FBXL13: variants seen among roughly 807,000 people sequenced by gnomAD.
The protein encoded by FBXL13 is F-box and leucine rich repeat protein 13.
A neutral mutation model predicts 83.6 loss-of-function variants in FBXL13; 67 were observed. The ratio of observed to expected loss-of-function variants is 0.80; its 90% CI spans 0.66 to 0.98. The LOEUF (loss-of-function observed/expected upper bound fraction) is 0.98. Among genes scored for constraint, FBXL13 ranks in the 50% least tolerant of loss-of-function variants. The pLI is 0.00. For missense variants in FBXL13, 822 were observed against 866.5 expected, an observed-to-expected ratio of 0.95 and a Z score of 0.64; for synonymous variants, 272 against 299.5, an observed-to-expected ratio of 0.91 and a Z score of 0.95.
At chr7:102,899,801 C>T (rs747394159) in intron 11 of FBXL13, among the ~76,000 whole-genome samples, 3 of 152,110 alleles carry the variant, frequency 2.0e-5, no homozygotes, top group Non-Finnish European at 4.4e-5. Flanking sequence ...AGGCTGGGCA[C>T]GGTGGCTCAT....
At chr7:102,895,444 C>T (rs570481232) in intron 11 of FBXL13, among the ~76,000 whole-genome samples, 2 of 152,320 alleles carry the variant, frequency 1.3e-5, no homozygotes, top group African/African-American at 4.8e-5. Flanking sequence ...ACATATAAAT[C>T]TGAAACACGG....
At chr7:103,043,638 A>G (rs1046288739) in intron 2 of FBXL13, among the ~76,000 whole-genome samples, 1 of 152,142 alleles carries the variant, frequency 6.6e-6, no homozygotes, top group Admixed American at 6.5e-5. Context: ...CAGCCTCCCA[A>G]GTAGCTGGGA....
At chr7:102,974,118 C>T (rs1009424768) in intron 6 of FBXL13, among the ~76,000 whole-genome samples, 2 of 152,134 alleles carry the variant, frequency 1.3e-5, no homozygotes, top group Non-Finnish European at 2.9e-5. Context: ...TGGCCAGGTG[C>T]GGTGGCTCAT....
At chr7:103,061,256 A>G (rs1013900065) in intron 1 of FBXL13, among the ~76,000 whole-genome samples, 2 of 151,402 alleles carry the variant, frequency 1.3e-5, no homozygotes, top group Non-Finnish European at 2.9e-5. Context: ...ACAGGTGAGG[A>G]GCAGCAGGCT....
intron 18 of FBXL13, among the ~76,000 whole-genome samples, chr7:102,826,428 A>G (rs1799630182): frequency 6.6e-6 from 1 of 151,972 alleles, no homozygotes; most frequent in Non-Finnish European, 1.5e-5. Flanking sequence ...AGGGCTTTTA[A>G]ATATAATAAA....
At chr7:102,917,101 C>CGAGA (rs1816049721) in intron 10 of FBXL13, among the ~76,000 whole-genome samples, 1 of 152,146 alleles carries the variant, frequency 6.6e-6, no homozygotes, top group African/African-American at 2.4e-5. Flanking sequence ...GTGTTGGGCT[C>CGAGA]TCTGGTTTCA....
intron 1 of FBXL13, among the ~76,000 whole-genome samples, chr7:103,056,828 T>TA (rs1226833961): frequency 6.6e-6 from 1 of 152,148 alleles, no homozygotes; most frequent in African/African-American, 2.4e-5. Context: ...TCTATTTTTT[T>TA]TTTTTATTTT....
At chr7:103,038,151 C>T (rs1235483878) in intron 2 of FBXL13, among the ~76,000 whole-genome samples, 1 of 152,226 alleles carries the variant, frequency 6.6e-6, no homozygotes, top group African/African-American at 2.4e-5. Flanking sequence ...GATACCCTCC[C>T]TCCCATGCCT....
chr7:102,978,057 G>GT (rs1443195470), intron 6 of FBXL13, among the ~76,000 whole-genome samples: 1 of 152,134 alleles, frequency 6.6e-6, no homozygotes, highest in African/African-American at 2.4e-5. Context: ...GTATACATAT[G>GT]TAACTAACCT....
At chr7:102,978,563 A>G in intron 6 of FBXL13, 1 of 159,616 alleles carries the variant, frequency 6.3e-6, no homozygotes, top group Non-Finnish European at 1.4e-5. Flanking sequence ...TTTCCTGTTT[A>G]CAGGAGACTA....
intron 10 of FBXL13, among the ~76,000 whole-genome samples, chr7:102,925,336 C>T (rs774098115): frequency 6.6e-6 from 1 of 152,052 alleles, no homozygotes; most frequent in Non-Finnish European, 1.5e-5. Flanking sequence ...TTGAGGCTGC[C>T]GTAAGCCATG....
intron 8 of FBXL13, among the ~76,000 whole-genome samples, chr7:102,949,473 G>C (rs1216058064): frequency 1.3e-5 from 2 of 152,004 alleles, no homozygotes; most frequent in East Asian, 3.9e-4. Flanking sequence ...CTCTCTATGT[G>C]TCCATGTGTT....
chr7:102,821,856 G>C (rs1489985341), intron 19 of FBXL13, among the ~76,000 whole-genome samples, 184 bp downstream of exon 20: 1 of 152,260 alleles, frequency 6.6e-6, no homozygotes, highest in South Asian at 2.1e-4. Flanking sequence ...CTGGAAAAGG[G>C]ATAGGAAACC....
intron 17 of FBXL13, among the ~76,000 whole-genome samples, chr7:102,841,893 T>C (rs530402517): frequency 6.6e-6 from 1 of 152,308 alleles, no homozygotes; most frequent in East Asian, 1.9e-4. Context: ...AAACTCTTAA[T>C]TATTCCAGGT....
chr7:102,996,871 C>T (rs565432357), intron 6 of FBXL13, among the ~76,000 whole-genome samples: 1 of 152,266 alleles, frequency 6.6e-6, no homozygotes, highest in South Asian at 2.1e-4. Context: ...TTGTGGATGA[C>T]TGGCCTTGGA....
chr7:102,887,026 AT>A (rs1810890139), intron 11 of FBXL13, among the ~76,000 whole-genome samples: 1 of 152,226 alleles, frequency 6.6e-6, no homozygotes, highest in Non-Finnish European at 1.5e-5. Context: ...TTTGGGAAAT[AT>A]GTTTCTAAAG....
intron 6 of FBXL13, among the ~76,000 whole-genome samples, chr7:102,971,615 A>AT (rs1826681209): frequency 6.9e-6 from 1 of 145,526 alleles, no homozygotes; most frequent in Non-Finnish European, 1.5e-5. Context: ...AAAAAAAGAC[A>AT]TTTTTTGCCA....
chr7:102,854,016 A>G (rs1805659292), intron 17 of FBXL13, among the ~76,000 whole-genome samples: 1 of 152,220 alleles, frequency 6.6e-6, no homozygotes, highest in African/African-American at 2.4e-5. Flanking sequence ...CCATCCCATT[A>G]CTGGGTATAT....
chr7:102,848,901 G>C (rs1562989954), intron 17 of FBXL13, among the ~76,000 whole-genome samples: 1 of 152,160 alleles, frequency 6.6e-6, no homozygotes, highest in East Asian at 1.9e-4. Context: ...TCGGGAGGCT[G>C]AGGCAGGGGA....
Sources: gnomAD v4.1 joint callset for allele counts (sites outside exome capture counted in the v4.1 genomes callset) on GRCh38, gnomAD v4.1.1 for gene constraint, MANE v1.5 for transcripts, NCBI Gene and HGNC (gene_info 2026-07-23, HGNC 2026-07-21) for gene names.